The following RNMT variants were observed in gnomAD, a reference collection of about 807,000 sequenced individuals.
RNMT encodes mRNA cap guanine-N(7) methyltransferase.
RNMT carries 27 observed loss-of-function variants against 56.0 expected under a neutral mutation model. The ratio of observed to expected loss-of-function variants is 0.48; its 90% CI spans 0.36 to 0.67. RNMT has a LOEUF of 0.67. RNMT is among the 30% of genes least tolerant of loss of function. The pLI is 0.00. For synonymous variants in RNMT, 184 were observed against 176.2 expected (o/e 1.04, Z -0.35); for missense variants, 519 against 552.1 (o/e 0.94, Z 0.60).
Position 13,761,278 on chromosome 18 carries a change from C to A in RNMT, c.*1299C>A. ...GTGTTACCAGTTTACAAAAATAAGTCTTTTTGCCTTAAGTCATTTTGGAAA... is the reference window on the plus strand; with the variant it reads ...GTGTTACCAGTTTACAAAAATAAGTATTTTTGCCTTAAGTCATTTTGGAAA... On this transcript the variant is annotated 3_prime_UTR_variant, in exon 12 of 12. Coordinates refer to ENST00000383314, the MANE Select transcript of RNMT (RefSeq NM_003799.3). 2 of 985,350 alleles carry A rather than the reference C, an allele frequency of 2.0e-6. No individual in the cohort carries two copies. Among genetic ancestry groups the A allele is most frequent in the Non-Finnish European group, 2.4e-6 (2 of 829,892 alleles). The allele number at this position is 985,350 out of a possible 1,614,324, so 61.0% of individuals were successfully genotyped here.
chr18:13,754,244 C>T (rs2044506136), intron 11 of RNMT, 97 bp downstream of exon 11: 2 of 728,292 alleles, frequency 2.7e-6, no homozygotes, highest in South Asian at 1.8e-5. Flanking sequence ...CTGTGGCTCA[C>T]ACCAGTACTC....
chr18:13,748,790 A>AATATT, intron 9 of RNMT, among the ~76,000 whole-genome samples: 1 of 152,236 alleles, frequency 6.6e-6, no homozygotes, highest in South Asian at 2.1e-4. Context: ...ATGTTTTAAT[A>AATATT]AGTTTTGGTC....
chr18:13,736,805 G>A (rs1180454857), intron 4 of RNMT, among the ~76,000 whole-genome samples: 7 of 151,980 alleles, frequency 4.6e-5, no homozygotes, highest in African/African-American at 7.2e-5. Flanking sequence ...CACCAGACAC[G>A]TACTCTTTAA....
chr18:13,735,995 A>C lies in RNMT; in HGVS notation c.554-1015A>C, dbSNP rs146188987. On this transcript the variant is annotated intron_variant, in intron 4 of 11. Coordinates refer to ENST00000383314, the MANE Select transcript of RNMT (RefSeq NM_003799.3). ...TTGTAGCTTGGTAAGTAAACAGTTGAGTATAGTTCTTGAATGTGATAAAGG... is the reference window on the plus strand; with the variant it reads ...TTGTAGCTTGGTAAGTAAACAGTTGCGTATAGTTCTTGAATGTGATAAAGG... 5.7e-3 allele frequency among the ~76,000 whole-genome samples: 866 copies of C among 152,164 alleles called. 27 individuals are homozygous for C. The highest frequency in any genetic ancestry group is 0.05 in the Admixed American group (757 of 15,274).
At chr18:13,736,984 T>G (rs188926345) in intron 4 of RNMT, 26 bp from the exon 5 acceptor site, 1 of 1,604,634 alleles carries the variant, frequency 6.2e-7, no homozygotes, top group East Asian at 2.2e-5. Context: ...AGAGGTAGTT[T>G]ATTGTGACTG....
rs540165666 is a variant in RNMT, at chr18:13,736,957, T to G, written c.554-53T>G. The G allele has an allele frequency of 3.3e-5, 51 of 1,539,500 alleles. No homozygotes were observed. In the East Asian group the frequency reaches 1.1e-3, roughly 32 times the overall value. ...GGTTATTAGAGGTAACAGTTTATACTTCAGTAAAATTGAAGAAGAGGTAGT... is the reference window on the plus strand; with the variant it reads ...GGTTATTAGAGGTAACAGTTTATACGTCAGTAAAATTGAAGAAGAGGTAGT... On this transcript the variant is annotated intron_variant, in intron 4 of 11. Transcript: ENST00000383314.
rs140759954 is a variant in RNMT at position 13,744,377 on chromosome 18, T to G, written c.1139+1725T>G. Among the ~76,000 whole-genome samples, 9 of 152,196 alleles carry G rather than the reference T, an allele frequency of 5.9e-5. No homozygotes were observed. In the East Asian group the frequency reaches 1.3e-3, roughly 23 times the overall value. On this transcript the variant is annotated intron_variant, in intron 8 of 11. Transcript: ENST00000383314. ...TTTGTGTGGCAAAACTTATTCAAATTGGGCCTCAATTCTTTGAATCATGAT... is the reference window on the plus strand; with the variant it reads ...TTTGTGTGGCAAAACTTATTCAAATGGGGCCTCAATTCTTTGAATCATGAT...
intron 6 of RNMT, among the ~76,000 whole-genome samples, chr18:13,740,840 A>C (rs1279059646): frequency 6.6e-6 from 1 of 152,176 alleles, no homozygotes. Flanking sequence ...TTCGGTATGG[A>C]CATCATTTAT....
In RNMT at chr18:13,730,810, T is replaced by G. The variant is rs147024295; in HGVS notation, c.-43+55T>G. 13 of 152,376 alleles carry G rather than the reference T, an allele frequency of 8.5e-5. No homozygotes were observed. In the East Asian group the frequency reaches 2.5e-3, roughly 29 times the overall value. 9.4% of individuals were successfully genotyped at this position (152,376 alleles called of 1,614,324 possible). On this transcript the variant is annotated intron_variant, in intron 2 of 11. Transcript: ENST00000383314. Reference sequence around the variant, plus strand: ...TGTGCTGTACTTAAAGCTGGTAGTTTCTGTGATATCTTCCACATTAGGTTC... The same window carrying G: ...TGTGCTGTACTTAAAGCTGGTAGTTGCTGTGATATCTTCCACATTAGGTTC...
rs145042041 is a variant in RNMT at position 13,753,359 on chromosome 18, T to G, written c.1360-755T>G. On this transcript the variant is annotated intron_variant, in intron 10 of 11. Transcript: ENST00000383314. ...GGGCCCCTATAGTCCCAGCTACTTGTGAGGCTGAGGCAGGAGAATGGGGTG... is the reference window on the plus strand; with the variant it reads ...GGGCCCCTATAGTCCCAGCTACTTGGGAGGCTGAGGCAGGAGAATGGGGTG... 3.1e-3 allele frequency among the ~76,000 whole-genome samples: 468 copies of G among 151,908 alleles called. 3 individuals carry two copies. Among genetic ancestry groups the G allele is most frequent in the African/African-American group, 0.011 (438 of 41,398 alleles).
At position 13,762,992 on chromosome 18, in the gene RNMT, T is replaced by G; in HGVS notation, c.*3013T>G. On this transcript the variant is annotated 3_prime_UTR_variant, in exon 12 of 12. Transcript: ENST00000383314. ...GTTGTCTACCTCAGGCCTTGTGCAT[T>G]TGGGTTATCTCAAGCCAGTCACCAC... 1 of 436,224 alleles carries G rather than the reference T, an allele frequency of 2.3e-6. No individual in the cohort carries two copies. Among genetic ancestry groups the G allele is most frequent in the Admixed American group, 2.5e-5 (1 of 39,228 alleles). 27.0% of individuals were successfully genotyped at this position (436,224 alleles called of 1,614,324 possible). A position where few individuals can be genotyped will look rare whatever the true frequency, so the allele number is the denominator to read the frequency against.
chr18:13,732,735 GCC>G (rs10535272), intron 3 of RNMT, among the ~76,000 whole-genome samples: 95,721 of 126,646 alleles, frequency 0.76, 36,802 homozygotes, highest in East Asian at 0.93. Context: ...ACAGAGGGGA[GCC>G]CCCCCTTTTT....
rs61306721 is a variant in RNMT, at chr18:13,760,892, C to T, written c.*913C>T. On this transcript the variant is annotated 3_prime_UTR_variant, in exon 12 of 12. Transcript: ENST00000383314. ...CTGTTACAACCTCAGCACTTTGCAC[C>T]GTAGGAGCCATTGTTAAAGTTGTCA... 2.0e-5 allele frequency: 20 copies of T among 985,392 alleles called. No individual in the cohort carries two copies. The highest frequency in any genetic ancestry group is 1.8e-4 in the Admixed American group (3 of 16,270). The allele number at this position is 985,392 out of a possible 1,614,324, so 61.0% of individuals were successfully genotyped here.
chr18:13,752,487 G>A, intron 10 of RNMT, 60 bp downstream of exon 10: 2 of 1,006,412 alleles, frequency 2.0e-6, no homozygotes, highest in Non-Finnish European at 3.0e-6. Context: ...TGCTTATATG[G>A]AGACATAGGA....
intron 4 of RNMT, among the ~76,000 whole-genome samples, chr18:13,736,451 G>A (rs1218708478): frequency 6.6e-6 from 1 of 150,938 alleles, no homozygotes; most frequent in East Asian, 1.9e-4. Flanking sequence ...AGTAGACTGG[G>A]GTCTACCAAA....
Position 13,763,202 on chromosome 18 carries a change from A to G in RNMT, c.*3223A>G, listed in dbSNP as rs1362859902. ...CACTGCACACTTGACAAGTGTTTTC[A>G]TTCCCCGCCCTCTGACAGAACAACA... On this transcript the variant is annotated 3_prime_UTR_variant, in exon 12 of 12. Coordinates refer to ENST00000383314, the MANE Select transcript of RNMT (RefSeq NM_003799.3). 1 of 452,374 alleles carries G rather than the reference A, an allele frequency of 2.2e-6. No homozygotes were observed. Among genetic ancestry groups the G allele is most frequent in the Non-Finnish European group, 4.5e-6 (1 of 224,588 alleles). The allele number at this position is 452,374 out of a possible 1,614,324, so 28.0% of individuals were successfully genotyped here. A position where few individuals can be genotyped will look rare whatever the true frequency, so the allele number is the denominator to read the frequency against.
chr18:13,728,580 C>CCCACCT (rs1188710802), intron 1 of RNMT, among the ~76,000 whole-genome samples: 1 of 151,960 alleles, frequency 6.6e-6, no homozygotes, highest in Admixed American at 6.6e-5. Context: ...AAGTGATCTG[C>CCCACCT]CCACCTCCAC....
At position 13,761,877 on chromosome 18, in the gene RNMT, C is replaced by T; in HGVS notation, c.*1898C>T. 1.0e-6 allele frequency: 1 copy of T among 983,082 alleles called. No homozygotes were observed. The highest frequency in any genetic ancestry group is 1.2e-6 in the Non-Finnish European group (1 of 807,100). 60.9% of individuals were successfully genotyped at this position (983,082 alleles called of 1,614,324 possible). A position where few individuals can be genotyped will look rare whatever the true frequency, so the allele number is the denominator to read the frequency against. On this transcript the variant is annotated 3_prime_UTR_variant, in exon 12 of 12. Transcript: ENST00000383314. ...CCCCCGGCCCCAAGCCCCTGTGTCT[C>T]CTTGTTACAATTAAGTTTCTGGATA... is the stretch of plus-strand genomic sequence containing the variant.
intron 4 of RNMT, among the ~76,000 whole-genome samples, 192 bp from the exon 5 acceptor site, chr18:13,736,818 A>G (rs1205746921): frequency 1.3e-5 from 2 of 152,192 alleles, no homozygotes; most frequent in Non-Finnish European, 2.9e-5. Context: ...CTCTTTAATG[A>G]TAGAGGATCA....
Sources: gnomAD v4.1 joint callset for allele counts (sites outside exome capture counted in the v4.1 genomes callset) on GRCh38, gnomAD v4.1.1 for gene constraint, MANE v1.5 for transcripts, NCBI Gene and HGNC (gene_info 2026-07-23, HGNC 2026-07-21) for gene names.